AP3D1: variants seen among roughly 807,000 people sequenced by gnomAD.
AP3D1 encodes the protein adaptor related protein complex 3 subunit delta 1.
In AP3D1, 51 loss-of-function variants were observed where a neutral mutation model predicts 147.6. The observed-to-expected ratio is 0.35, with a 90% CI of 0.28 to 0.44. AP3D1 has a LOEUF of 0.44. Ranked by LOEUF, AP3D1 falls within the 20% of genes least tolerant of loss-of-function variation. The pLI, the probability that AP3D1 is intolerant of heterozygous loss-of-function variation, is 1.00. For synonymous variants in AP3D1, 760 were observed against 663.0 expected, an observed-to-expected ratio of 1.15 and a Z score of -2.25; for missense variants, 1,421 against 1,624.2, an observed-to-expected ratio of 0.87 and a Z score of 2.15.
At chr19:2,142,634 C>A (rs1859951) in intron 1 of AP3D1, among the ~76,000 whole-genome samples, 1 of 152,032 alleles carries the variant, frequency 6.6e-6, no homozygotes, top group Non-Finnish European at 1.5e-5. Context: ...ACGTGGCCGC[C>A]TGGCTGAGGG....
chr19:2,149,519 G>T (rs866949949), intron 1 of AP3D1, among the ~76,000 whole-genome samples: 1 of 150,786 alleles, frequency 6.6e-6, no homozygotes, highest in East Asian at 1.9e-4. Context: ...CTCCGGCCTG[G>T]GCAACAAGAG....
chr19:2,115,526 G>A lies in AP3D1; in HGVS notation c.2149+12C>T, dbSNP rs202180077. ...GTGACAAATGCGGCGCCGACACACC[G>A]GAGACACTTGCCTGGAACCTTCAAG... On this transcript the variant is annotated intron_variant, in intron 19 of 31. Transcript: ENST00000643116. 3.3e-5 allele frequency: 54 copies of A among 1,612,688 alleles called. No individual in the cohort carries two copies. Among genetic ancestry groups the A allele is most frequent in the African/African-American group, 6.7e-5 (5 of 75,022 alleles).
At chr19:2,164,385 A>C (rs2019827615) in exon 1 of AP3D1, 1 of 597,304 alleles carries the variant, frequency 1.7e-6, no homozygotes, top group Non-Finnish European at 2.4e-6. Context: ...GAGACCCTGG[A>C]CTCCACTGTC....
chr19:2,116,511 G>T (rs1195215166), intron 17 of AP3D1, 94 bp downstream of exon 17: 3 of 1,440,174 alleles, frequency 2.1e-6, no homozygotes, highest in African/African-American at 2.9e-5. Context: ...CCAGGGTCAG[G>T]GCCAGGACCC....
At chr19:2,137,854 A>T in intron 2 of AP3D1, 47 bp from the exon 3 acceptor site, 5 of 1,594,066 alleles carry the variant, frequency 3.1e-6, no homozygotes, top group Non-Finnish European at 4.3e-6. Flanking sequence ...CAAAGCAGAG[A>T]GAAAGGTTTT....
At chr19:2,109,463 A>T in intron 29 of AP3D1, 1 of 514,748 alleles carries the variant, frequency 1.9e-6, no homozygotes, top group South Asian at 2.7e-5. Flanking sequence ...TCCTCCGACA[A>T]GGACGGATGT....
intron 1 of AP3D1, among the ~76,000 whole-genome samples, chr19:2,148,622 G>A (rs1370103872): frequency 6.6e-6 from 1 of 152,264 alleles, no homozygotes; most frequent in Non-Finnish European, 1.5e-5. Flanking sequence ...GCATCATCCA[G>A]CAAGGAGGGA....
At chr19:2,125,325 C>T (rs58491369) in intron 9 of AP3D1, among the ~76,000 whole-genome samples, 31,691 of 151,888 alleles carry the variant, frequency 0.21, 3,478 homozygotes, top group African/African-American at 0.28. Flanking sequence ...TGTTTTGTTT[C>T]GTTTTTTGAG....
At chr19:2,118,096 GT>G (rs1390841886) in intron 15 of AP3D1, among the ~76,000 whole-genome samples, 4 of 152,176 alleles carry the variant, frequency 2.6e-5, no homozygotes, top group Admixed American at 6.5e-5. Flanking sequence ...GGGGATGGAG[GT>G]TGTCATGAGC....
rs1005318632 is a variant in AP3D1 at position 2,147,793 on chromosome 19, T to C, written c.96+3446A>G. Among the ~76,000 whole-genome samples the C allele has an allele frequency of 8.2e-5, 12 of 146,752 alleles. 1 individual carries two copies. The highest frequency in any genetic ancestry group is 4.3e-4 in the South Asian group (2 of 4,638). ...CCTGTTGTCCCAGCTGCTTGGGAGG[T>C]TGAGTCACTTGAACCTGGGAGGTGG... On this transcript the variant is annotated intron_variant, in intron 1 of 31. Transcript: ENST00000643116.
chr19:2,141,382 TG>T (rs2144530648), intron 1 of AP3D1, among the ~76,000 whole-genome samples: 1 of 151,994 alleles, frequency 6.6e-6, no homozygotes, highest in East Asian at 1.9e-4. Flanking sequence ...TCCTCAGGAC[TG>T]CAGTAAGACA....
upstream of AP3D1, among the ~76,000 whole-genome samples, chr19:2,152,007 C>T (rs1016725090): frequency 6.6e-6 from 1 of 152,188 alleles, no homozygotes; most frequent in Admixed American, 6.5e-5. Context: ...GGTGGGGGAA[C>T]GGATCCTGTG....
rs759984250 is a variant in AP3D1, at chr19:2,136,992, C to T, written c.354+19G>A. The T allele has an allele frequency of 3.2e-6, 5 of 1,570,696 alleles. No individual in the cohort carries two copies. The Admixed American group carries it at 5.5e-5, about 17-fold the overall frequency. On this transcript the variant is annotated intron_variant, in intron 4 of 31. Coordinates refer to ENST00000643116, the MANE Select transcript of AP3D1 (RefSeq NM_001261826.3). ...AGACTGCACTCAGCACAGAGCGGCC[C>T]CGGCCCGGGAACACCCACCTTACGG...
At chr19:2,156,226 G>A (rs1361895992), upstream of AP3D1, among the ~76,000 whole-genome samples, 1 of 152,122 alleles carries the variant, frequency 6.6e-6, no homozygotes, top group East Asian at 1.9e-4. Context: ...CTGGCCTGGA[G>A]CCCTGAGCTC....
intron 14 of AP3D1, among the ~76,000 whole-genome samples, chr19:2,119,912 A>T (rs1008783404): frequency 3.9e-5 from 6 of 152,104 alleles, no homozygotes; most frequent in African/African-American, 1.4e-4. Context: ...ACTGCACTCC[A>T]GCCTGGGCAA....
chr19:2,110,989 G>C, intron 26 of AP3D1, 93 bp from the exon 27 acceptor site: 1 of 1,373,548 alleles, frequency 7.3e-7, no homozygotes, highest in Admixed American at 2.0e-5. Flanking sequence ...GAGGCAGCAG[G>C]GGTCCCACAG....
Position 2,151,348 on chromosome 19 carries a change from G to C in AP3D1, c.-14C>G. On this transcript the variant is annotated 5_prime_UTR_variant, in exon 1 of 32. Transcript: ENST00000643116. ...CTTGAGGGCCATCGCGGCGGCCCAC[G>C]GGCTTTTGCCTCGGGAGGCCCGCGG... 6.5e-7 allele frequency: 1 copy of C among 1,550,314 alleles called. No homozygotes were observed. The highest frequency in any genetic ancestry group is 8.7e-7 in the Non-Finnish European group (1 of 1,145,276).
chr19:2,113,460 G>A (rs1362740950), intron 22 of AP3D1, 47 bp from the exon 23 acceptor site: 12 of 1,193,206 alleles, frequency 1.0e-5, no homozygotes, highest in Middle Eastern at 2.9e-4. Context: ...CAATGGTCCT[G>A]GGAAGAGGGG....
chr19:2,146,797 C>T (rs1193444399), intron 1 of AP3D1, among the ~76,000 whole-genome samples: 1 of 152,058 alleles, frequency 6.6e-6, no homozygotes, highest in Non-Finnish European at 1.5e-5. Flanking sequence ...ACTTTTCTTA[C>T]CATCAAGGGG....
Sources: allele counts gnomAD v4.1 joint callset (sites outside exome capture counted in the v4.1 genomes callset), GRCh38; gene constraint gnomAD v4.1.1; transcripts MANE v1.5; gene names NCBI Gene and HGNC (gene_info 2026-07-23, HGNC 2026-07-21).